PRKAB2: variants seen among roughly 807,000 people sequenced by gnomAD.
PRKAB2 encodes 5'-AMP-activated protein kinase subunit beta-2.
Under a neutral mutation model 29.8 loss-of-function variants are expected in PRKAB2, and 18 were observed. The ratio of observed to expected loss-of-function variants is 0.60; its 90% CI spans 0.42 to 0.89. The LOEUF is 0.89. Among genes scored for constraint, PRKAB2 ranks in the 40% least tolerant of loss-of-function variants. The probability of loss-of-function intolerance (pLI) is 0.00; values close to 1 mark genes in which losing one functional copy is unlikely to be tolerated. For missense variants in PRKAB2, 270 were observed against 344.3 expected (o/e 0.78, Z 1.71); for synonymous variants, 136 against 125.9 (o/e 1.08, Z -0.54).
At chr1:147,163,222 G>A (rs782286570) in intron 5 of PRKAB2, among the ~76,000 whole-genome samples, 23 of 152,276 alleles carry the variant, frequency 1.5e-4, no homozygotes, top group Non-Finnish European at 2.8e-4. Flanking sequence ...AAATTGGAAC[G>A]CTCACACTAT....
rs1653715991 is a variant in PRKAB2, at chr1:147,157,173, GTAGTAC to G, written c.*2386_*2391del. ...CTAATCAATATACAATGATAAATGA[GTAGTAC>G]TTTGGGTTACTTCCTTCTCTTCCTC... On this transcript the variant is annotated 3_prime_UTR_variant, in exon 8 of 8. Transcript: ENST00000254101. 2 of 152,216 alleles carry G rather than the reference GTAGTAC, an allele frequency of 1.3e-5. No homozygotes were observed. Among genetic ancestry groups the G allele is most frequent in the South Asian group, 4.1e-4 (2 of 4,828 alleles). 9.4% of individuals were successfully genotyped at this position (152,216 alleles called of 1,614,324 possible).
At chr1:147,167,978 G>T in intron 2 of PRKAB2, 45 bp from the exon 3 acceptor site, 2 of 1,565,102 alleles carry the variant, frequency 1.3e-6, no homozygotes. Context: ...TGTGACCCAA[G>T]AATTCTAAAA....
chr1:147,172,162 G>A lies in PRKAB2; in HGVS notation c.-18C>T, dbSNP rs781834806. ...TTTCCCATGGCTGCAGCTCGTCGGG[G>A]ACCACCTACCGCGGGGAACGACACC... On this transcript the variant is annotated 5_prime_UTR_variant, in exon 2 of 8. Transcript: ENST00000254101. 2.6e-6 allele frequency: 4 copies of A among 1,539,108 alleles called. No homozygotes were observed. Among genetic ancestry groups the A allele is most frequent in the Non-Finnish European group, 3.5e-6 (4 of 1,142,476 alleles).
rs1208208398 is a variant in PRKAB2, at chr1:147,158,605, A to C, written c.*960T>G. The stretch of plus-strand genomic sequence containing the variant: ...AATGCAGGCACATAAAAATCTTTCA[A>C]GGATGAAAGACATGAAAATACTCCC... On this transcript the variant is annotated 3_prime_UTR_variant, in exon 8 of 8. Coordinates refer to ENST00000254101, the MANE Select transcript of PRKAB2 (RefSeq NM_005399.5). 3 of 152,134 alleles carry C rather than the reference A, an allele frequency of 2.0e-5. No individual in the cohort carries two copies. Among genetic ancestry groups the C allele is most frequent in the African/African-American group, 7.2e-5 (3 of 41,412 alleles). 9.4% of individuals were successfully genotyped at this position (152,134 alleles called of 1,614,324 possible).
intron 2 of PRKAB2, among the ~76,000 whole-genome samples, chr1:147,170,595 G>GTTTTTTTT (rs782548494): frequency 6.6e-6 from 1 of 151,460 alleles, no homozygotes; most frequent in African/African-American, 2.4e-5. Flanking sequence ...TTGTTTTTTT[G>GTTTTTTTT]TTTTTTTGTT....
intron 5 of PRKAB2, among the ~76,000 whole-genome samples, chr1:147,164,216 G>A (rs1442686033): frequency 6.6e-6 from 1 of 152,172 alleles, no homozygotes; most frequent in Non-Finnish European, 1.5e-5. Context: ...TAGGATTACA[G>A]GTGTGAGCCA....
At chr1:147,162,397 C>G in intron 6 of PRKAB2, 43 bp downstream of exon 6, 1 of 1,575,008 alleles carries the variant, frequency 6.3e-7, no homozygotes, top group Non-Finnish European at 8.7e-7. Context: ...TCCAAATGGT[C>G]CTAGACACCC....
In PRKAB2 at chr1:147,167,762, G is replaced by T; in HGVS notation, c.323+5C>A. 6.2e-7 allele frequency: 1 copy of T among 1,611,804 alleles called. No homozygotes were observed. On this transcript the variant is annotated splice_donor_5th_base_variant and intron_variant, in intron 3 of 7. Transcript: ENST00000254101. ...ACCCTTAGATTCAACCAAGACACTTGTCACCTCTTAATCAGTGGAATCTTG... is the reference window on the plus strand; with the variant it reads ...ACCCTTAGATTCAACCAAGACACTTTTCACCTCTTAATCAGTGGAATCTTG...
At position 147,157,557 on chromosome 1, in the gene PRKAB2, CA is replaced by C. The variant is rs1320504683; in HGVS notation, c.*2007del. The C allele has an allele frequency of 9.2e-5, 14 of 152,176 alleles. 1 individual carries two copies. The highest frequency in any genetic ancestry group is 2.0e-4 in the Admixed American group (3 of 15,280). The allele number at this position is 152,176 out of a possible 1,614,324, so 9.4% of individuals were successfully genotyped here. A position where few individuals can be genotyped will look rare whatever the true frequency, so the allele number is the denominator to read the frequency against. On this transcript the variant is annotated 3_prime_UTR_variant, in exon 8 of 8. Coordinates refer to ENST00000254101, the MANE Select transcript of PRKAB2 (RefSeq NM_005399.5). ...CCTGTGTGGAGTAAAAATTTTCATA[CA>C]TGAACACATACATATTACATTTCAA...
rs587700287 is a variant in PRKAB2 at position 147,172,244 on chromosome 1, C to G, written c.-23-77G>C. The G allele has an allele frequency of 2.6e-3, 3,713 of 1,418,986 alleles. 64 individuals carry two copies. In the East Asian group the frequency reaches 0.035, roughly 13 times the overall value. 87.9% of individuals were successfully genotyped at this position (1,418,986 alleles called of 1,614,324 possible). ...GGCGCCCCCCGGCCCCGCCCCTGCG[C>G]CTCGGGACAGGGCAAGGGATTCCCC... On this transcript the variant is annotated intron_variant, in intron 1 of 7. Coordinates refer to ENST00000254101, the MANE Select transcript of PRKAB2 (RefSeq NM_005399.5).
At chr1:147,159,974 C>T (rs1653874760) in intron 7 of PRKAB2, among the ~76,000 whole-genome samples, 3 of 152,106 alleles carry the variant, frequency 2.0e-5, no homozygotes, top group Non-Finnish European at 4.4e-5. Flanking sequence ...TACCTTGCTC[C>T]CTTCCCTACT....
In PRKAB2 at chr1:147,159,589, A is replaced by G; in HGVS notation, c.795T>C (p.Thr265=). The G allele has an allele frequency of 3.7e-6, 6 of 1,613,594 alleles. No homozygotes were observed. The highest frequency in any genetic ancestry group is 4.2e-6 in the Non-Finnish European group (5 of 1,179,672). Residue 265 remains threonine, a synonymous_variant, in exon 8 of 8, where the codon ACT becomes ACC. Transcript: ENST00000254101. Reference sequence around the variant, plus strand: ...TTCAAATGGGCTTGTATAGCAGAGTAGTAACATACTTCTTCTTGTAGCGAT... The same window carrying G: ...TTCAAATGGGCTTGTATAGCAGAGTGGTAACATACTTCTTCTTGTAGCGAT... The part of the protein sequence containing the change: ...ATHRYKKKYV[T]TLLYKPI
intron 2 of PRKAB2, among the ~76,000 whole-genome samples, chr1:147,170,466 G>C (rs1218558900): frequency 6.6e-6 from 1 of 152,202 alleles, no homozygotes; most frequent in African/African-American, 2.4e-5. Flanking sequence ...CGAAAGCTTT[G>C]AAGAAGTAAA....
At chr1:147,170,523 A>C (rs587764358) in intron 2 of PRKAB2, among the ~76,000 whole-genome samples, 1 of 152,342 alleles carries the variant, frequency 6.6e-6, no homozygotes, top group African/African-American at 2.4e-5. Flanking sequence ...GAATTGGAGA[A>C]TAAACCCCAA....
In PRKAB2 at chr1:147,168,240, C is replaced by T. The variant is rs587694678; in HGVS notation, c.157-307G>A. ...AAAAAAGAAAAAAATAACTCCCTAC[C>T]ACTAGTTTAACTCATAGGCAGGCAA... On this transcript the variant is annotated intron_variant, in intron 2 of 7. Transcript: ENST00000254101. Among the ~76,000 whole-genome samples the T allele has an allele frequency of 2.6e-5, 4 of 152,130 alleles. No individual in the cohort carries two copies. The South Asian group carries it at 8.3e-4, about 32-fold the overall frequency.
At chr1:147,164,344 C>T (rs587708780) in intron 5 of PRKAB2, among the ~76,000 whole-genome samples, 69 of 152,212 alleles carry the variant, frequency 4.5e-4, no homozygotes, top group East Asian at 3.5e-3. Flanking sequence ...GTTATCACCA[C>T]GAAGAAACGA....
At chr1:147,169,905 G>GC (rs1654433300) in intron 2 of PRKAB2, among the ~76,000 whole-genome samples, 1 of 152,212 alleles carries the variant, frequency 6.6e-6, no homozygotes, top group South Asian at 2.1e-4. Flanking sequence ...AGCAAAGTAG[G>GC]CCCCCCTGCC....
At chr1:147,168,218 A>G (rs1392232674) in intron 2 of PRKAB2, among the ~76,000 whole-genome samples, 1 of 152,180 alleles carries the variant, frequency 6.6e-6, no homozygotes, top group Non-Finnish European at 1.5e-5. Context: ...CTTAAAAAAA[A>G]AAGAAAAAAA....
rs1232214701 is a variant in PRKAB2 at position 147,157,521 on chromosome 1, C to G, written c.*2044G>C. 2.6e-5 allele frequency: 4 copies of G among 152,176 alleles called. No homozygotes were observed. The highest frequency in any genetic ancestry group is 4.4e-5 in the Non-Finnish European group (3 of 68,028). 9.4% of individuals were successfully genotyped at this position (152,176 alleles called of 1,614,324 possible). On this transcript the variant is annotated 3_prime_UTR_variant, in exon 8 of 8. Coordinates refer to ENST00000254101, the MANE Select transcript of PRKAB2 (RefSeq NM_005399.5). ...AAGAGATCTCTTTTCCTGCCCCACTCTACTGAAACACCTGTGTGGAGTAAA... is the reference window on the plus strand; with the variant it reads ...AAGAGATCTCTTTTCCTGCCCCACTGTACTGAAACACCTGTGTGGAGTAAA...
Sources: allele counts gnomAD v4.1 joint callset (sites outside exome capture counted in the v4.1 genomes callset), GRCh38; gene constraint gnomAD v4.1.1; transcripts MANE v1.5; gene names NCBI Gene and HGNC (gene_info 2026-07-23, HGNC 2026-07-21).